The following AP1B1 variants were observed in gnomAD, a reference collection of about 807,000 sequenced individuals.
AP1B1 encodes the protein adaptor related protein complex 1 subunit beta 1, also known as AP-1 complex subunit beta-1.
Under a neutral mutation model 104.3 loss-of-function variants are expected in AP1B1, and 36 were observed. That is an observed-to-expected ratio of 0.35 (90% CI 0.26 to 0.46). The LOEUF is 0.46. Among genes scored for constraint, AP1B1 ranks in the 20% least tolerant of loss-of-function variants. The probability of loss-of-function intolerance (pLI) is 1.00; values close to 1 mark genes in which losing one functional copy is unlikely to be tolerated. For missense variants in AP1B1, 901 were observed against 1,247.9 expected (o/e 0.72, Z 4.19); for synonymous variants, 504 against 517.5 (o/e 0.97, Z 0.35).
At chr22:29,387,845 C>G (rs1209914349) in intron 1 of AP1B1, among the ~76,000 whole-genome samples, 1 of 152,196 alleles carries the variant, frequency 6.6e-6, no homozygotes, top group African/African-American at 2.4e-5. Context: ...AAGTGCTTAG[C>G]ACAGTGCCCG....
At chr22:29,342,186 T>C (rs2061725266) in intron 12 of AP1B1, 99 bp downstream of exon 12, 3 of 978,410 alleles carry the variant, frequency 3.1e-6, no homozygotes, top group African/African-American at 1.6e-5. Flanking sequence ...ATACCTGTCT[T>C]AGGAGCGGGC....
intron 2 of AP1B1, among the ~76,000 whole-genome samples, chr22:29,363,317 C>T (rs558856831): frequency 1.3e-5 from 2 of 152,236 alleles, no homozygotes; most frequent in Non-Finnish European, 2.9e-5. Flanking sequence ...ACTTGTAGGC[C>T]GGGTGCAGTC....
intron 7 of AP1B1, among the ~76,000 whole-genome samples, chr22:29,354,237 C>T (rs1188797124): frequency 6.6e-6 from 1 of 152,220 alleles, no homozygotes; most frequent in East Asian, 1.9e-4. Flanking sequence ...TTCAGGACAG[C>T]TCGTGGACTA....
intron 1 of AP1B1, among the ~76,000 whole-genome samples, chr22:29,384,543 G>A (rs535118987): frequency 9.2e-5 from 14 of 152,316 alleles, no homozygotes; most frequent in East Asian, 3.9e-4. Flanking sequence ...TGCTGGAGAC[G>A]TAGTTAAGGC....
chr22:29,340,972 C>T, intron 13 of AP1B1, 115 bp from the exon 14 acceptor site: 3 of 1,038,284 alleles, frequency 2.9e-6, no homozygotes, highest in Non-Finnish European at 4.2e-6. Flanking sequence ...CCTCACTGTC[C>T]CCGACAGGGC....
chr22:29,373,880 C>G (rs1443320515), intron 1 of AP1B1, among the ~76,000 whole-genome samples: 3 of 143,552 alleles, frequency 2.1e-5, no homozygotes, highest in African/African-American at 7.9e-5. Context: ...CCAGCCTGGG[C>G]GACAGAGCAA....
intron 1 of AP1B1, among the ~76,000 whole-genome samples, chr22:29,386,908 C>G (rs1000030631): frequency 1.3e-5 from 2 of 152,232 alleles, no homozygotes; most frequent in Admixed American, 6.5e-5. Flanking sequence ...AAGACGTGCT[C>G]TGCTCTGGCA....
intron 1 of AP1B1, among the ~76,000 whole-genome samples, chr22:29,377,958 T>A (rs920672988): frequency 6.6e-6 from 1 of 152,110 alleles, no homozygotes; most frequent in African/African-American, 2.4e-5. Flanking sequence ...GCCGGCACTC[T>A]CCACTGCTGC....
At chr22:29,340,355 C>T (rs1278255879) in intron 14 of AP1B1, among the ~76,000 whole-genome samples, 1 of 152,166 alleles carries the variant, frequency 6.6e-6, no homozygotes, top group Non-Finnish European at 1.5e-5. Context: ...AGGATCAGGG[C>T]AAGGGCTAGG....
At chr22:29,373,007 G>A (rs545300352) in intron 1 of AP1B1, among the ~76,000 whole-genome samples, 4 of 152,326 alleles carry the variant, frequency 2.6e-5, no homozygotes, top group East Asian at 1.9e-4. Context: ...AGATCAAGCC[G>A]GGTGTTGTGG....
chr22:29,386,835 A>T (rs1055718189), intron 1 of AP1B1, among the ~76,000 whole-genome samples: 4 of 152,212 alleles, frequency 2.6e-5, no homozygotes, highest in Non-Finnish European at 2.9e-5. Flanking sequence ...CCGCAATGGA[A>T]TGAGGCTTAG....
chr22:29,387,023 CCT>C (rs960013579), intron 1 of AP1B1, among the ~76,000 whole-genome samples: 1 of 152,216 alleles, frequency 6.6e-6, no homozygotes, highest in African/African-American at 2.4e-5. Context: ...TCATGTGGTT[CCT>C]CTCTTTTTAG....
At position 29,377,682 on chromosome 22, in the gene AP1B1, C is replaced by T. The variant is rs1429238402; in HGVS notation, c.-27-10412G>A. On this transcript the variant is annotated intron_variant, in intron 1 of 22. Transcript: ENST00000357586. ...AAAATTAGCCAGGCATGGTGGCGGG[C>T]GCCTGTAATCACAGCTACTCTGGAG... Among the ~76,000 whole-genome samples, 5 of 151,684 alleles carry T rather than the reference C, an allele frequency of 3.3e-5. No individual in the cohort carries two copies. The South Asian group carries it at 8.4e-4, about 25-fold the overall frequency.
At chr22:29,357,645 C>T (rs2061979911) in intron 5 of AP1B1, among the ~76,000 whole-genome samples, 1 of 151,052 alleles carries the variant, frequency 6.6e-6, no homozygotes, top group South Asian at 2.1e-4. Context: ...GGATTACAGG[C>T]ATGTAATCCT....
intron 14 of AP1B1, among the ~76,000 whole-genome samples, chr22:29,340,211 T>C (rs887120206): frequency 6.6e-6 from 1 of 152,166 alleles, no homozygotes; most frequent in Non-Finnish European, 1.5e-5. Context: ...CTCCCCGGCC[T>C]CCCATGCCCT....
chr22:29,329,017 G>A, intron 22 of AP1B1, 122 bp from the exon 23 acceptor site: 1 of 1,486,502 alleles, frequency 6.7e-7, no homozygotes, highest in Non-Finnish European at 8.9e-7. Context: ...CAGCCTGGCG[G>A]CAGCTGCGCC....
At chr22:29,357,072 T>G (rs895252543) in intron 5 of AP1B1, among the ~76,000 whole-genome samples, 5 of 151,236 alleles carry the variant, frequency 3.3e-5, no homozygotes, top group Admixed American at 2.0e-4. Flanking sequence ...GTTTTTTGTT[T>G]TTTTTTTTTG....
chr22:29,342,952 C>A (rs1195789226), intron 11 of AP1B1, among the ~76,000 whole-genome samples: 1 of 152,230 alleles, frequency 6.6e-6, no homozygotes, highest in Non-Finnish European at 1.5e-5. Context: ...CATGCCAACC[C>A]CACCTCCAGA....
intron 1 of AP1B1, among the ~76,000 whole-genome samples, chr22:29,372,551 T>C (rs2062259157): frequency 6.6e-6 from 1 of 152,010 alleles, no homozygotes; most frequent in Admixed American, 6.6e-5. Context: ...TTGGAAACAG[T>C]GTCCAGGGAC....
Sources: gnomAD v4.1 joint callset for allele counts (sites outside exome capture counted in the v4.1 genomes callset) on GRCh38, gnomAD v4.1.1 for gene constraint, MANE v1.5 for transcripts, NCBI Gene and HGNC (gene_info 2026-07-23, HGNC 2026-07-21) for gene names.